Variants in SPECC1 observed in about 807,000 individuals in gnomAD.
SPECC1 encodes the protein cytospin-B.
Under a neutral mutation model 104.1 loss-of-function variants are expected in SPECC1, and 62 were observed. The ratio of observed to expected loss-of-function variants is 0.60; its 90% CI spans 0.49 to 0.74. SPECC1 has a LOEUF of 0.74. SPECC1 is among the 30% of genes least tolerant of loss of function. SPECC1 has a pLI of 0.00. For synonymous variants in SPECC1, 513 were observed against 501.6 expected, an observed-to-expected ratio of 1.02 and a Z score of -0.30; for missense variants, 1,306 against 1,310.5, an observed-to-expected ratio of 1.00 and a Z score of 0.05.
In SPECC1 at chr17:20,318,639, C is replaced by T. The variant is rs1211470281; in HGVS notation, c.*4574C>T. On this transcript the variant is annotated 3_prime_UTR_variant, in exon 15 of 15. Coordinates refer to ENST00000395527, the MANE Select transcript of SPECC1 (RefSeq NM_001243439.2). Reference sequence around the variant, plus strand: ...CCCTACCAAATCTAGCAATAGTTCTCACCCTTCCAAAGCTCGAGTGCCATT... The same window carrying T: ...CCCTACCAAATCTAGCAATAGTTCTTACCCTTCCAAAGCTCGAGTGCCATT... 3 of 227,492 alleles carry T rather than the reference C, an allele frequency of 1.3e-5. No individual in the cohort carries two copies. Among genetic ancestry groups the T allele is most frequent in the Non-Finnish European group, 2.6e-5 (3 of 114,534 alleles). 14.1% of individuals were successfully genotyped at this position (227,492 alleles called of 1,614,324 possible).
chr17:20,253,426 A>T (rs1009318459), intron 9 of SPECC1, 79 bp from the exon 10 acceptor site: 1 of 1,381,174 alleles, frequency 7.2e-7, no homozygotes, highest in African/African-American at 1.4e-5. Context: ...ACACACACGC[A>T]TGCACACACA....
At chr17:20,095,422 A>C (rs1438498951) in intron 1 of SPECC1, among the ~76,000 whole-genome samples, 4 of 152,248 alleles carry the variant, frequency 2.6e-5, no homozygotes, top group South Asian at 2.1e-4. Flanking sequence ...AGCCGCTGCC[A>C]TCAGCTCTGC....
At chr17:20,233,870 G>A (rs1470707502) in intron 7 of SPECC1, among the ~76,000 whole-genome samples, 2 of 152,178 alleles carry the variant, frequency 1.3e-5, no homozygotes, top group African/African-American at 4.8e-5. Flanking sequence ...AAGAAAATCC[G>A]AGTCAGAACT....
At chr17:20,213,305 C>T (rs1195701886) in intron 4 of SPECC1, among the ~76,000 whole-genome samples, 2 of 152,078 alleles carry the variant, frequency 1.3e-5, no homozygotes, top group Admixed American at 1.3e-4. Flanking sequence ...GCTCTGTTGA[C>T]AAGGCTGATC....
chr17:20,158,690 C>G (rs995970515), intron 3 of SPECC1, among the ~76,000 whole-genome samples: 1 of 152,332 alleles, frequency 6.6e-6, no homozygotes, highest in Admixed American at 6.5e-5. Context: ...TTGGGATCCT[C>G]GTGGTGCCAA....
chr17:20,082,972 TCG>T (rs1597664933), intron 1 of SPECC1, among the ~76,000 whole-genome samples: 1 of 139,658 alleles, frequency 7.2e-6, no homozygotes, highest in Non-Finnish European at 1.6e-5. Flanking sequence ...GTTCGTTCGT[TCG>T]TTCGTTCGTT....
At chr17:20,018,307 T>G (rs1490504964) in intron 1 of SPECC1, among the ~76,000 whole-genome samples, 1 of 152,256 alleles carries the variant, frequency 6.6e-6, no homozygotes, top group African/African-American at 2.4e-5. Context: ...CACTCTTGTT[T>G]TCCAGGTTTC....
chr17:20,228,179 C>T (rs117812830), intron 5 of SPECC1, among the ~76,000 whole-genome samples: 20 of 152,144 alleles, frequency 1.3e-4, no homozygotes, highest in East Asian at 1.2e-3. Flanking sequence ...TAGGTGATTG[C>T]GAAAAATAGA....
At chr17:20,239,125 T>G in intron 7 of SPECC1, 1 of 1,015,738 alleles carries the variant, frequency 9.8e-7, no homozygotes, top group Non-Finnish European at 1.2e-6. Context: ...TTTGCATAAA[T>G]TTTTAAAACT....
At chr17:20,218,183 T>C (rs943702543) in intron 4 of SPECC1, among the ~76,000 whole-genome samples, 2 of 152,244 alleles carry the variant, frequency 1.3e-5, no homozygotes, top group Non-Finnish European at 2.9e-5. Context: ...ATATAATACA[T>C]AGGGCAATTG....
intron 3 of SPECC1, among the ~76,000 whole-genome samples, chr17:20,146,295 T>C (rs1597812848): frequency 1.3e-5 from 2 of 152,324 alleles, no homozygotes; most frequent in African/African-American, 4.8e-5. Flanking sequence ...TGGAATGATG[T>C]AGTGTAGCTG....
chr17:20,101,457 G>T (rs1053753318), intron 2 of SPECC1, among the ~76,000 whole-genome samples: 3 of 152,180 alleles, frequency 2.0e-5, no homozygotes, highest in Non-Finnish European at 4.4e-5. Context: ...CTGCATAAAT[G>T]TCTTCTTTTG....
chr17:20,301,877 T>C (rs895113964), intron 13 of SPECC1, among the ~76,000 whole-genome samples: 5 of 152,156 alleles, frequency 3.3e-5, no homozygotes, highest in African/African-American at 1.2e-4. Flanking sequence ...GGCTAGTTTT[T>C]ATATTTTTAG....
intron 10 of SPECC1, among the ~76,000 whole-genome samples, chr17:20,256,424 T>G (rs1033760197): frequency 1.1e-4 from 17 of 152,132 alleles, no homozygotes; most frequent in African/African-American, 4.1e-4. Flanking sequence ...AAGATTAATG[T>G]GCTGTTCTTG....
At chr17:20,211,579 G>T (rs1421007391) in intron 4 of SPECC1, among the ~76,000 whole-genome samples, 1 of 152,258 alleles carries the variant, frequency 6.6e-6, no homozygotes. Context: ...TGCCTGTGCA[G>T]CCTTTTATTT....
intron 7 of SPECC1, chr17:20,238,059 A>T: frequency 2.0e-6 from 2 of 1,023,678 alleles, no homozygotes; most frequent in Non-Finnish European, 2.3e-6. Context: ...TGGGGTCTTG[A>T]TTGAGCCCCT....
At chr17:20,187,799 G>GT (rs2035380963) in intron 3 of SPECC1, among the ~76,000 whole-genome samples, 1 of 152,188 alleles carries the variant, frequency 6.6e-6, no homozygotes, top group Non-Finnish European at 1.5e-5. Flanking sequence ...TCTCTAGGCA[G>GT]TTTATCCAAT....
chr17:20,026,656 A>T (rs1245258162), intron 1 of SPECC1, among the ~76,000 whole-genome samples: 1 of 152,184 alleles, frequency 6.6e-6, no homozygotes, highest in African/African-American at 2.4e-5. Flanking sequence ...TTGAGTGTAT[A>T]TGCCACATTT....
At chr17:20,247,375 TG>T in intron 9 of SPECC1, 56 bp downstream of exon 9, 1 of 1,306,938 alleles carries the variant, frequency 7.7e-7, no homozygotes, top group Admixed American at 1.8e-5. Flanking sequence ...TCCCTCTAGA[TG>T]TTTTTCTTTA....
Sources: gnomAD v4.1 joint callset for allele counts (sites outside exome capture counted in the v4.1 genomes callset) on GRCh38, gnomAD v4.1.1 for gene constraint, MANE v1.5 for transcripts, NCBI Gene and HGNC (gene_info 2026-07-23, HGNC 2026-07-21) for gene names.